Variants in ZBTB37 observed in about 807,000 individuals in gnomAD.
ZBTB37 encodes zinc finger and BTB domain containing 37.
Under a neutral mutation model 37.7 loss-of-function variants are expected in ZBTB37, and 15 were observed. The ratio of observed to expected loss-of-function variants is 0.40; its 90% confidence interval spans 0.27 to 0.61. ZBTB37 has a LOEUF of 0.61. Ranked by LOEUF, ZBTB37 falls within the 20% of genes least tolerant of loss-of-function variation. The pLI, the probability that ZBTB37 is intolerant of heterozygous loss-of-function variation, is 0.44. For synonymous variants in ZBTB37, 231 were observed against 220.6 expected (o/e 1.05, Z -0.42); for missense variants, 514 against 641.9 (o/e 0.80, Z 2.15).
downstream of ZBTB37, chr1:173,891,492 T>G (rs1656837062): frequency 6.6e-6 from 1 of 152,240 alleles, no homozygotes; most frequent in Non-Finnish European, 1.5e-5. Flanking sequence ...TCTTCCCATT[T>G]CTGTTATTGT....
intron 4 of ZBTB37, among the ~76,000 whole-genome samples, chr1:173,881,809 C>G (rs1393198772): frequency 6.6e-6 from 1 of 152,126 alleles, no homozygotes; most frequent in Non-Finnish European, 1.5e-5. Context: ...AATCCCAGCA[C>G]TTTGGGAGGC....
chr1:173,878,667 A>G lies in ZBTB37; in HGVS notation c.1023+5101A>G, dbSNP rs977314964. On this transcript the variant is annotated intron_variant, in intron 4 of 4. Coordinates refer to ENST00000427304, the Ensembl canonical transcript of ZBTB37. ...CTCATAAATTCAAGATTTCACATAA[A>G]GCTTTAGCTTCTAGTGGTAAACATT... Among the ~76,000 whole-genome samples, 7 of 152,214 alleles carry G rather than the reference A, an allele frequency of 4.6e-5. 1 individual carries two copies. The highest frequency in any genetic ancestry group is 4.6e-4 in the Admixed American group (7 of 15,286).
chr1:173,886,376 G>T, exon 5 of ZBTB37: 1 of 529,878 alleles, frequency 1.9e-6, no homozygotes, highest in Non-Finnish European at 3.2e-6. Flanking sequence ...CAACAGCCTT[G>T]GTTTGTTAAC....
downstream of ZBTB37, chr1:173,889,134 T>C (rs1656742582): frequency 6.6e-6 from 1 of 152,222 alleles, no homozygotes; most frequent in Non-Finnish European, 1.5e-5. Context: ...AAATTAAAAC[T>C]TCTGAAAACA....
exon 4 of ZBTB37, chr1:173,897,813 G>T (rs546816212): frequency 6.6e-6 from 1 of 152,296 alleles, no homozygotes; most frequent in Non-Finnish European, 1.5e-5. Context: ...ATAGCTTTCT[G>T]TAGCAAGCAA....
intron 4 of ZBTB37, among the ~76,000 whole-genome samples, chr1:173,885,150 T>C (rs918506177): frequency 6.6e-6 from 1 of 152,098 alleles, no homozygotes; most frequent in Admixed American, 6.5e-5. Context: ...GGGAGGATCA[T>C]CTGATCCTGA....
intron 4 of ZBTB37, among the ~76,000 whole-genome samples, chr1:173,880,852 TCA>T (rs1206944366): frequency 6.6e-6 from 1 of 152,258 alleles, no homozygotes; most frequent in African/African-American, 2.4e-5. Flanking sequence ...ATGTTTGTGC[TCA>T]CAGTTTATCA....
Position 173,870,045 on chromosome 1 carries a change from TTC to T in ZBTB37, c.-29-150_-29-149del, listed in dbSNP as rs572374642. ...CTTAAACTGAAAAACCTGTTGGTGA[TTC>T]TGTTTCCACATCTAAATATAAGGAA... On this transcript the variant is annotated intron_variant, in intron 2 of 4. Transcript: ENST00000427304. 9.2e-5 allele frequency among the ~76,000 whole-genome samples: 14 copies of T among 152,374 alleles called. No homozygotes were observed. The East Asian group carries it at 2.5e-3, about 27-fold the overall frequency.
chr1:173,877,789 G>A (rs1656066172), intron 4 of ZBTB37, among the ~76,000 whole-genome samples: 1 of 152,138 alleles, frequency 6.6e-6, no homozygotes, highest in Non-Finnish European at 1.5e-5. Context: ...CTACTCACCA[G>A]TTTTTTTCCT....
At chr1:173,873,064 C>G (rs1001083979) in intron 3 of ZBTB37, among the ~76,000 whole-genome samples, 1 of 151,596 alleles carries the variant, frequency 6.6e-6, no homozygotes, top group Non-Finnish European at 1.5e-5. Context: ...TCTCCATGAT[C>G]TATATCAATA....
Position 173,885,671 on chromosome 1 carries a change from T to C in ZBTB37, c.1059T>C (p.Tyr353=), listed in dbSNP as rs963601669. The C allele has an allele frequency of 4.5e-6, 7 of 1,552,198 alleles. No individual in the cohort carries two copies. In the Admixed American group the frequency reaches 7.8e-5, roughly 17 times the overall value. Residue 353 remains tyrosine (Y), a synonymous_variant, in exon 5 of 5, where the codon TAT becomes TAC. Transcript: ENST00000427304. ...CAGCAATGATGGGAGTAAGTGGCTA[T>C]GTGGAGTATCTCCGAGAGCAGGAAG...
chr1:173,881,995 A>G lies in ZBTB37; in HGVS notation c.1024-3641A>G, dbSNP rs1316825968. On this transcript the variant is annotated intron_variant, in intron 4 of 4. Coordinates refer to ENST00000427304, the Ensembl canonical transcript of ZBTB37. ...CGTGAACCCGGGAGGCAGAGCTTGC[A>G]GTGAGCTGACATCACACCACCGCAC... 2.0e-5 allele frequency among the ~76,000 whole-genome samples: 3 copies of G among 151,590 alleles called. No individual in the cohort carries two copies. In the East Asian group the frequency reaches 5.9e-4, roughly 30 times the overall value.
chr1:173,881,796 T>G (rs1656325257), intron 4 of ZBTB37, among the ~76,000 whole-genome samples: 1 of 152,176 alleles, frequency 6.6e-6, no homozygotes, highest in South Asian at 2.1e-4. Context: ...GGCTCACACC[T>G]GCAATCCCAG....
exon 2 of ZBTB37, chr1:173,868,963 C>G (rs933540598): frequency 1.3e-5 from 2 of 152,686 alleles, no homozygotes; most frequent in Non-Finnish European, 2.9e-5. Context: ...GAAAGACTTT[C>G]CTCCAGGGGC....
At chr1:173,870,521 T>C in exon 3 of ZBTB37, 1 of 1,614,226 alleles carries the variant, frequency 6.2e-7, no homozygotes, top group East Asian at 2.2e-5. Context: ...CTGGCAGATA[T>C]CATCAGCTAC....
chr1:173,898,611 T>C (rs1236464774), exon 4 of ZBTB37: 1 of 152,166 alleles, frequency 6.6e-6, no homozygotes, highest in Non-Finnish European at 1.5e-5. Context: ...AGAGAGATAT[T>C]CTTGTTTTTA....
chr1:173,896,878 G>A (rs1262074735), exon 4 of ZBTB37: 2 of 152,186 alleles, frequency 1.3e-5, no homozygotes, highest in African/African-American at 4.8e-5. Flanking sequence ...TGGAAGCCAA[G>A]ATGCTAAAAA....
Position 173,870,099 on chromosome 1 carries a change from A to C in ZBTB37, c.-29-98A>C, listed in dbSNP as rs547063796. ...GTATTTCTTTTATCTGGAGATTTTG[A>C]AACTTTACCAGATAACTATGTTTAA... On this transcript the variant is annotated intron_variant, in intron 2 of 4. Coordinates refer to ENST00000427304, the Ensembl canonical transcript of ZBTB37. 4 of 777,916 alleles carry C rather than the reference A, an allele frequency of 5.1e-6. 1 individual carries two copies. In the South Asian group the frequency reaches 7.1e-5, roughly 14 times the overall value. The allele number at this position is 777,916 out of a possible 1,614,324, so 48.2% of individuals were successfully genotyped here. A position where few individuals can be genotyped will look rare whatever the true frequency, so the allele number is the denominator to read the frequency against.
In ZBTB37 at chr1:173,877,924, G is replaced by C. The variant is rs575121787; in HGVS notation, c.1023+4358G>C. Among the ~76,000 whole-genome samples, 129 of 152,256 alleles carry C rather than the reference G, an allele frequency of 8.5e-4. 1 individual carries two copies. Among genetic ancestry groups the C allele is most frequent in the African/African-American group, 2.9e-3 (122 of 41,552 alleles). On this transcript the variant is annotated intron_variant, in intron 4 of 4. Coordinates refer to ENST00000427304, the Ensembl canonical transcript of ZBTB37. Reference sequence around the variant, plus strand: ...CACTAATAAAGTTACTCTTTTACTTGAAAACATTCTGTAGCTTTTTCTATG... The same window carrying C: ...CACTAATAAAGTTACTCTTTTACTTCAAAACATTCTGTAGCTTTTTCTATG...
Sources: gnomAD v4.1 joint callset for allele counts (sites outside exome capture counted in the v4.1 genomes callset) on GRCh38, gnomAD v4.1.1 for gene constraint, MANE v1.5 for transcripts, NCBI Gene and HGNC (gene_info 2026-07-23, HGNC 2026-07-21) for gene names.